Variants in FSTL4 observed in about 807,000 individuals in gnomAD.
The protein encoded by FSTL4 is follistatin-related protein 4.
Under a neutral mutation model 78.2 loss-of-function variants are expected in FSTL4, and 28 were observed. That is an observed-to-expected ratio of 0.36 (90% CI 0.27 to 0.49). The LOEUF is 0.49. Ranked by LOEUF, FSTL4 falls within the 20% of genes least tolerant of loss-of-function variation. The probability of loss-of-function intolerance (pLI) is 0.98; values close to 1 mark genes in which losing one functional copy is unlikely to be tolerated. For missense variants in FSTL4, 922 were observed against 1,084.9 expected (o/e 0.85, Z 2.11); for synonymous variants, 422 against 440.5 (o/e 0.96, Z 0.53).
intron 4 of FSTL4, among the ~76,000 whole-genome samples, chr5:133,324,069 G>C (rs186779657): frequency 1.3e-5 from 2 of 152,266 alleles, no homozygotes; most frequent in East Asian, 3.9e-4. Context: ...GCAGTCTCTG[G>C]AATTAAATGT....
intron 3 of FSTL4, among the ~76,000 whole-genome samples, chr5:133,406,397 G>A (rs796254941): frequency 2.6e-5 from 4 of 152,342 alleles, no homozygotes; most frequent in African/African-American, 9.6e-5. Context: ...GAAGTGGGGT[G>A]AGGCCCTGCC....
At chr5:133,708,739 C>G in the FSTL4 span, among the ~76,000 whole-genome samples, 4 of 152,210 alleles carry the variant, frequency 2.6e-5, no homozygotes, top group Admixed American at 2.6e-4. Context: ...GAGAACCAAC[C>G]AGTCAATGTG....
At chr5:133,403,833 G>C (rs900474819) in intron 3 of FSTL4, among the ~76,000 whole-genome samples, 2 of 152,184 alleles carry the variant, frequency 1.3e-5, no homozygotes, top group Non-Finnish European at 1.5e-5. Flanking sequence ...GGGCTGGGGG[G>C]AGAAGCTACT....
the FSTL4 span, among the ~76,000 whole-genome samples, chr5:133,664,177 T>C: frequency 6.6e-6 from 1 of 151,960 alleles, no homozygotes; most frequent in East Asian, 1.9e-4. Context: ...GATCAAATGA[T>C]CACGTGTCAA....
At chr5:133,416,686 C>T (rs574678854) in intron 3 of FSTL4, among the ~76,000 whole-genome samples, 18 of 152,196 alleles carry the variant, frequency 1.2e-4, no homozygotes, top group South Asian at 6.2e-4. Context: ...GAGAAGAGCT[C>T]GGCATAATTT....
chr5:133,510,830 G>A (rs1202304527), intron 3 of FSTL4, among the ~76,000 whole-genome samples: 1 of 152,072 alleles, frequency 6.6e-6, no homozygotes, highest in Non-Finnish European at 1.5e-5. Flanking sequence ...TAGAGCCACA[G>A]CCGTGTCCCA....
intron 3 of FSTL4, among the ~76,000 whole-genome samples, chr5:133,509,223 C>A (rs1758674399): frequency 6.6e-6 from 1 of 152,190 alleles, no homozygotes; most frequent in African/African-American, 2.4e-5. Context: ...CTGGGTGAGC[C>A]CTTCTCCTGC....
At chr5:133,726,904 A>T in the FSTL4 span, among the ~76,000 whole-genome samples, 1 of 152,248 alleles carries the variant, frequency 6.6e-6, no homozygotes, top group Admixed American at 6.5e-5. Flanking sequence ...TCTGTTTCAC[A>T]TAAAAGCATC....
At chr5:133,323,865 A>T (rs1301781595) in intron 4 of FSTL4, among the ~76,000 whole-genome samples, 1 of 152,216 alleles carries the variant, frequency 6.6e-6, no homozygotes, top group Non-Finnish European at 1.5e-5. Flanking sequence ...CTCCATGAGA[A>T]AGGTCAGTCG....
the FSTL4 span, among the ~76,000 whole-genome samples, chr5:133,754,688 A>G: frequency 1.3e-5 from 2 of 152,310 alleles, no homozygotes; most frequent in Non-Finnish European, 1.5e-5. Context: ...CCAAGAGACC[A>G]TGGTCAAAAT....
At chr5:133,828,882 C>A in the FSTL4 span, among the ~76,000 whole-genome samples, 1 of 152,154 alleles carries the variant, frequency 6.6e-6, no homozygotes, top group African/African-American at 2.4e-5. Context: ...AAACAAAGAG[C>A]TTTTGATGCT....
At chr5:133,466,146 G>T (rs889614706) in intron 3 of FSTL4, among the ~76,000 whole-genome samples, 1 of 152,190 alleles carries the variant, frequency 6.6e-6, no homozygotes, top group Admixed American at 6.5e-5. Flanking sequence ...GAAAGGAGGG[G>T]GCAGGGTGGG....
rs74915655 is a variant in FSTL4, at chr5:133,366,145, T to G, written c.409+34593A>C. On this transcript the variant is annotated intron_variant, in intron 4 of 15. Transcript: ENST00000265342. ...TGGCCTTTGTGTGCCACCTTGAACG[T>G]GTCAAGCTCCTTTCAGGTTCAGGGC... is the stretch of plus-strand genomic sequence containing the variant. 6.6e-3 allele frequency among the ~76,000 whole-genome samples: 1,011 copies of G among 152,344 alleles called. 9 individuals are homozygous for G. The highest frequency in any genetic ancestry group is 0.023 in the African/African-American group (970 of 41,574).
intron 6 of FSTL4, among the ~76,000 whole-genome samples, chr5:133,272,460 G>C (rs1018202890): frequency 6.6e-6 from 1 of 152,208 alleles, no homozygotes; most frequent in South Asian, 2.1e-4. Context: ...GTTACACGAC[G>C]GCTTCTGGAG....
intron 2 of FSTL4, 25 bp from the exon 3 acceptor site, chr5:133,567,244 T>C (rs372901914): frequency 1.2e-5 from 19 of 1,574,976 alleles, no homozygotes; most frequent in African/African-American, 8.1e-5. Context: ...AGACTTTGTG[T>C]TTTCTGAAGA....
At chr5:133,298,718 G>A (rs1442390216) in intron 6 of FSTL4, among the ~76,000 whole-genome samples, 2 of 152,190 alleles carry the variant, frequency 1.3e-5, no homozygotes, top group African/African-American at 2.4e-5. Flanking sequence ...TGGCACCTGC[G>A]GGGGTGTCTC....
intron 1 of FSTL4, among the ~76,000 whole-genome samples, chr5:133,606,255 G>A (rs1760975223): frequency 6.6e-6 from 1 of 152,108 alleles, no homozygotes; most frequent in Non-Finnish European, 1.5e-5. Flanking sequence ...CGAGTAGCTG[G>A]GATGACAGGC....
intron 6 of FSTL4, among the ~76,000 whole-genome samples, chr5:133,285,093 G>C (rs1482402120): frequency 6.6e-6 from 1 of 152,212 alleles, no homozygotes; most frequent in Non-Finnish European, 1.5e-5. Context: ...ACATGGCATT[G>C]AGTCAATAGG....
At chr5:133,366,144 G>A (rs1159250123) in intron 4 of FSTL4, among the ~76,000 whole-genome samples, 4 of 152,198 alleles carry the variant, frequency 2.6e-5, no homozygotes, top group African/African-American at 9.7e-5. Flanking sequence ...CACCTTGAAC[G>A]TGTCAAGCTC....
Sources: gnomAD v4.1 joint callset for allele counts (sites outside exome capture counted in the v4.1 genomes callset) on GRCh38, gnomAD v4.1.1 for gene constraint, MANE v1.5 for transcripts, NCBI Gene and HGNC (gene_info 2026-07-23, HGNC 2026-07-21) for gene names.